Variants in NLGN4X observed in about 807,000 individuals in gnomAD.
NLGN4X encodes neuroligin 4 X-linked.
In NLGN4X, 3 loss-of-function variants were observed where a neutral mutation model predicts 40.3. The observed-to-expected ratio is 0.07, with a 90% CI of 0.03 to 0.19. The LOEUF is 0.19. Among genes scored for constraint, NLGN4X ranks in the 10% least tolerant of loss-of-function variants. The pLI is 1.00. For synonymous variants in NLGN4X, 270 were observed against 306.8 expected, an observed-to-expected ratio of 0.88 and a Z score of 1.25; for missense variants, 382 against 708.3, an observed-to-expected ratio of 0.54 and a Z score of 5.23.
intron 5 of NLGN4X, among the ~76,000 whole-genome samples, chrX:5,902,019 A>T (rs1466856936): frequency 9.1e-6 from 1 of 110,090 alleles, no homozygotes; most frequent in African/African-American, 3.3e-5. Flanking sequence ...CCAGGCAATC[A>T]ACACAGTTCC....
chrX:5,965,604 T>G (rs184004796), intron 3 of NLGN4X, among the ~76,000 whole-genome samples: 26 of 111,838 alleles, frequency 2.3e-4, no homozygotes, highest in Middle Eastern at 9.2e-3. Flanking sequence ...TGTTTGGAAC[T>G]GTCCGCTGTG....
At chrX:6,116,678 C>T (rs1333687232) in intron 2 of NLGN4X, among the ~76,000 whole-genome samples, 1 of 108,086 alleles carries the variant, frequency 9.3e-6, no homozygotes, top group Non-Finnish European at 1.9e-5. Context: ...TATAGGCATG[C>T]GCCACCATGC....
chrX:5,949,524 C>T lies in NLGN4X; in HGVS notation c.626-40285G>A, dbSNP rs941438689. On this transcript the variant is annotated intron_variant, in intron 3 of 5. Coordinates refer to ENST00000381095, the MANE Select transcript of NLGN4X (RefSeq NM_181332.3). ...CCAAATCATACATCAGACATCAAAT[C>T]GCACATACAGTGTTGATTCAGAATC... 3.6e-5 allele frequency among the ~76,000 whole-genome samples: 4 copies of T among 111,628 alleles called. No individual in the cohort carries two copies. In the East Asian group the frequency reaches 8.4e-4, roughly 24 times the overall value.
intron 3 of NLGN4X, among the ~76,000 whole-genome samples, chrX:5,956,627 C>T (rs1318819708): frequency 5.4e-5 from 6 of 111,166 alleles, no homozygotes; most frequent in Non-Finnish European, 9.4e-5. Context: ...ATCATCTATG[C>T]CCCAGTTCAA....
chrX:6,165,879 G>A (rs1397797653), intron 1 of NLGN4X, among the ~76,000 whole-genome samples: 1 of 110,839 alleles, frequency 9.0e-6, no homozygotes, highest in African/African-American at 3.3e-5. Flanking sequence ...TATATATGGG[G>A]CACATGAGTT....
intron 3 of NLGN4X, among the ~76,000 whole-genome samples, chrX:6,002,429 G>A (rs951933634): frequency 6.2e-5 from 7 of 112,197 alleles, no homozygotes; most frequent in African/African-American, 9.7e-5. Flanking sequence ...CGTTCAGCTG[G>A]AATTGTTTGA....
intron 3 of NLGN4X, among the ~76,000 whole-genome samples, chrX:5,954,756 G>A (rs1285750102): frequency 9.1e-6 from 1 of 109,587 alleles, no homozygotes; most frequent in South Asian, 4.0e-4. Context: ...GCACTTCCAG[G>A]GTCCTTGGGG....
At chrX:6,069,596 T>A (rs765276564) in intron 2 of NLGN4X, among the ~76,000 whole-genome samples, 2 of 112,452 alleles carry the variant, frequency 1.8e-5, no homozygotes, top group Non-Finnish European at 3.8e-5. Context: ...AAACATAAAG[T>A]GCTTGAATCA....
chrX:5,997,382 T>C (rs1174680904), intron 3 of NLGN4X, among the ~76,000 whole-genome samples: 3 of 105,940 alleles, frequency 2.8e-5, no homozygotes, highest in African/African-American at 1.0e-4. Context: ...TAAAGGTTGA[T>C]TGGGGAATGA....
intron 3 of NLGN4X, among the ~76,000 whole-genome samples, chrX:6,000,134 T>C (rs2035936466): frequency 8.9e-6 from 1 of 112,352 alleles, no homozygotes; most frequent in African/African-American, 3.2e-5. Context: ...ATCTCTCCAA[T>C]GGAGATGGTA....
chrX:5,990,806 C>G (rs938553591), intron 3 of NLGN4X, among the ~76,000 whole-genome samples: 8 of 110,853 alleles, frequency 7.2e-5, no homozygotes, highest in African/African-American at 2.3e-4. Context: ...CCCTCTAAGT[C>G]AGAAAAGTAC....
intron 4 of NLGN4X, among the ~76,000 whole-genome samples, chrX:5,907,739 G>A (rs1217597449): frequency 9.1e-6 from 1 of 109,601 alleles, no homozygotes; most frequent in African/African-American, 3.3e-5. Context: ...GAGGTCCTTC[G>A]TGAAAGTCAT....
At chrX:5,996,869 T>C (rs1295939839) in intron 3 of NLGN4X, among the ~76,000 whole-genome samples, 1 of 111,603 alleles carries the variant, frequency 9.0e-6, no homozygotes, top group Non-Finnish European at 1.9e-5. Flanking sequence ...AGTGCTGGGA[T>C]TACAGGCATG....
intron 1 of NLGN4X, among the ~76,000 whole-genome samples, chrX:6,169,016 G>A (rs902002512): frequency 6.3e-5 from 7 of 111,796 alleles, no homozygotes; most frequent in African/African-American, 2.3e-4. Flanking sequence ...CGGAAGAGGC[G>A]GTATGAAGAC....
intron 1 of NLGN4X, among the ~76,000 whole-genome samples, chrX:6,190,638 T>C (rs1186236897): frequency 1.8e-5 from 2 of 111,809 alleles, no homozygotes; most frequent in Non-Finnish European, 3.8e-5. Flanking sequence ...CCCATATCTT[T>C]TCCTTGGGCT....
chrX:6,216,189 A>AT (rs932963180), intron 1 of NLGN4X, among the ~76,000 whole-genome samples: 3 of 111,442 alleles, frequency 2.7e-5, no homozygotes, highest in African/African-American at 9.8e-5. Flanking sequence ...TGAAGAGAGA[A>AT]TTTTTTTCCT....
intron 2 of NLGN4X, among the ~76,000 whole-genome samples, chrX:6,083,121 G>C (rs905156770): frequency 8.0e-5 from 8 of 100,541 alleles, no homozygotes; most frequent in Non-Finnish European, 1.6e-4. Flanking sequence ...ACCTCGCCCG[G>C]CTAATTTTTT....
At chrX:5,976,522 A>T (rs1217958844) in intron 3 of NLGN4X, among the ~76,000 whole-genome samples, 1 of 112,034 alleles carries the variant, frequency 8.9e-6, no homozygotes, top group Non-Finnish European at 1.9e-5. Flanking sequence ...CTCATTTTTC[A>T]AGTGGGAGTA....
In NLGN4X at chrX:6,199,590, C is replaced by T. The variant is rs759864808; in HGVS notation, c.-306+28951G>A. On this transcript the variant is annotated intron_variant, in intron 1 of 5. Coordinates refer to ENST00000381095, the MANE Select transcript of NLGN4X (RefSeq NM_181332.3). ...TCCAGTGAGCAGTAGAAGTAAGCAA[C>T]ACTGCACGGCAGATTTGTAGCTTTA... Among the ~76,000 whole-genome samples, 5 of 111,671 alleles carry T rather than the reference C, an allele frequency of 4.5e-5. No homozygotes were observed. In the East Asian group the frequency reaches 1.4e-3, roughly 31 times the overall value.
Sources: gnomAD v4.1 joint callset for allele counts (sites outside exome capture counted in the v4.1 genomes callset) on GRCh38, gnomAD v4.1.1 for gene constraint, MANE v1.5 for transcripts, NCBI Gene and HGNC (gene_info 2026-07-23, HGNC 2026-07-21) for gene names.